FSTL5: variants seen among roughly 807,000 people sequenced by gnomAD.
FSTL5 encodes follistatin-related protein 5.
In FSTL5, 62 loss-of-function variants were observed where a neutral mutation model predicts 89.1. The ratio of observed to expected loss-of-function variants is 0.70; its 90% confidence interval spans 0.57 to 0.86. The LOEUF is 0.86. Ranked by LOEUF, FSTL5 falls within the 40% of genes least tolerant of loss-of-function variation. FSTL5 has a pLI of 0.00. For missense variants in FSTL5, 1,057 were observed against 1,001.6 expected (o/e 1.06, Z -0.75); for synonymous variants, 383 against 346.2 (o/e 1.11, Z -1.18).
intron 15 of FSTL5, among the ~76,000 whole-genome samples, chr4:161,427,141 A>G: frequency 6.6e-6 from 1 of 152,338 alleles, no homozygotes; most frequent in East Asian, 1.9e-4. Flanking sequence ...GATGTTAATA[A>G]ATTTCCTTAG....
At chr4:162,128,144 G>T (rs1171039535) in intron 1 of FSTL5, among the ~76,000 whole-genome samples, 1 of 152,080 alleles carries the variant, frequency 6.6e-6, no homozygotes, top group East Asian at 1.9e-4. Flanking sequence ...TAAATAAAAA[G>T]AATCAGCATG....
chr4:161,501,692 A>G (rs1442955912), intron 11 of FSTL5, among the ~76,000 whole-genome samples: 2 of 152,010 alleles, frequency 1.3e-5, no homozygotes, highest in Non-Finnish European at 2.9e-5. Context: ...ATATTCCTGA[A>G]CAGAAGCAGA....
At chr4:161,482,337 T>C (rs574505645) in intron 12 of FSTL5, among the ~76,000 whole-genome samples, 278 of 152,194 alleles carry the variant, frequency 1.8e-3, no homozygotes, top group African/African-American at 6.3e-3. Context: ...TTATGTGCAG[T>C]AAAAATGTTA....
At chr4:161,459,948 T>G (rs1205126630) in intron 13 of FSTL5, among the ~76,000 whole-genome samples, 1 of 151,114 alleles carries the variant, frequency 6.6e-6, no homozygotes. Flanking sequence ...ATATTTATAA[T>G]AATATGTATA....
chr4:162,070,051 G>T (rs555230138), intron 2 of FSTL5, among the ~76,000 whole-genome samples: 6 of 151,634 alleles, frequency 4.0e-5, no homozygotes, highest in African/African-American at 1.4e-4. Flanking sequence ...CTTATTTTTG[G>T]TCTTTTTTAT....
At chr4:161,679,956 T>G (rs1737459909) in intron 6 of FSTL5, among the ~76,000 whole-genome samples, 1 of 151,768 alleles carries the variant, frequency 6.6e-6, no homozygotes, top group South Asian at 2.1e-4. Flanking sequence ...AATATTAAAC[T>G]GAGTTTTATA....
At chr4:161,519,172 C>G in intron 10 of FSTL5, among the ~76,000 whole-genome samples, 1 of 152,090 alleles carries the variant, frequency 6.6e-6, no homozygotes, top group East Asian at 1.9e-4. Flanking sequence ...ACTGTTTCAA[C>G]GTGGGAAGAG....
At chr4:162,098,244 C>T (rs1730843856) in intron 2 of FSTL5, among the ~76,000 whole-genome samples, 1 of 151,794 alleles carries the variant, frequency 6.6e-6, no homozygotes, top group Non-Finnish European at 1.5e-5. Context: ...ATCCCATTTA[C>T]ATCAAAATCT....
At chr4:161,399,113 G>A (rs2110899356) in intron 15 of FSTL5, among the ~76,000 whole-genome samples, 1 of 152,192 alleles carries the variant, frequency 6.6e-6, no homozygotes, top group African/African-American at 2.4e-5. Flanking sequence ...TGCATGGACT[G>A]AAGAGATACA....
chr4:161,527,629 A>C (rs1310881194), intron 10 of FSTL5, among the ~76,000 whole-genome samples: 5 of 152,058 alleles, frequency 3.3e-5, no homozygotes, highest in African/African-American at 9.7e-5. Context: ...GGCAATCATT[A>C]AAAAGTCAGG....
intron 6 of FSTL5, among the ~76,000 whole-genome samples, chr4:161,688,439 G>A (rs565934531): frequency 6.6e-6 from 1 of 152,080 alleles, no homozygotes; most frequent in Non-Finnish European, 1.5e-5. Context: ...CAAAACTGCA[G>A]TTCTCTAAAG....
At chr4:161,633,118 G>A (rs1254282856) in intron 7 of FSTL5, among the ~76,000 whole-genome samples, 1 of 151,734 alleles carries the variant, frequency 6.6e-6, no homozygotes, top group Non-Finnish European at 1.5e-5. Context: ...TTTCATAGGT[G>A]CATATCTCTT....
intron 7 of FSTL5, among the ~76,000 whole-genome samples, chr4:161,610,041 C>G (rs1255426681): frequency 1.3e-5 from 2 of 151,908 alleles, no homozygotes; most frequent in East Asian, 1.9e-4. Context: ...TTCATTTTAT[C>G]TGAGTAGTAC....
intron 3 of FSTL5, among the ~76,000 whole-genome samples, chr4:161,936,377 T>G (rs1382823001): frequency 1.3e-5 from 2 of 152,198 alleles, no homozygotes; most frequent in Non-Finnish European, 2.9e-5. Flanking sequence ...AACATTATTT[T>G]GCTATCTTCT....
At chr4:161,744,094 T>TA (rs1740112410) in intron 6 of FSTL5, among the ~76,000 whole-genome samples, 2 of 152,116 alleles carry the variant, frequency 1.3e-5, no homozygotes, top group African/African-American at 2.4e-5. Flanking sequence ...TGTTTTTTTT[T>TA]AAATCATCCT....
chr4:161,486,593 C>T (rs768563386), intron 12 of FSTL5, among the ~76,000 whole-genome samples: 2 of 152,124 alleles, frequency 1.3e-5, no homozygotes, highest in African/African-American at 2.4e-5. Flanking sequence ...CTAAGACAGG[C>T]AGAGAGTCCC....
intron 4 of FSTL5, among the ~76,000 whole-genome samples, chr4:161,807,498 T>C (rs1408992552): frequency 6.6e-6 from 1 of 152,188 alleles, no homozygotes; most frequent in Admixed American, 6.6e-5. Context: ...GCAGTATTTG[T>C]AATACTGTGC....
At chr4:162,035,480 C>T (rs1447902363) in intron 2 of FSTL5, 3 of 151,938 alleles carry the variant, frequency 2.0e-5, no homozygotes, top group Non-Finnish European at 4.4e-5. Flanking sequence ...GAGTTACATA[C>T]AAGAGTTCTT....
intron 15 of FSTL5, among the ~76,000 whole-genome samples, chr4:161,426,497 G>C (rs975383736): frequency 1.3e-5 from 2 of 152,186 alleles, no homozygotes; most frequent in African/African-American, 4.8e-5. Context: ...TAGCAGATAG[G>C]AAGATGAGTG....
Sources: gnomAD v4.1 joint callset for allele counts (sites outside exome capture counted in the v4.1 genomes callset) on GRCh38, gnomAD v4.1.1 for gene constraint, MANE v1.5 for transcripts, NCBI Gene and HGNC (gene_info 2026-07-23, HGNC 2026-07-21) for gene names.